VPS13C: variants seen among roughly 807,000 people sequenced by gnomAD.
The protein encoded by VPS13C is intermembrane lipid transfer protein VPS13C.
In VPS13C, 358 loss-of-function variants were observed where a neutral mutation model predicts 456.8. That is an observed-to-expected ratio of 0.78 (90% CI 0.72 to 0.86). The LOEUF is 0.86. Ranked by LOEUF, VPS13C falls within the 40% of genes least tolerant of loss-of-function variation. The pLI, the probability that VPS13C is intolerant of heterozygous loss-of-function variation, is 0.00. For missense variants in VPS13C, 4,818 were observed against 4,385.4 expected (o/e 1.10, Z -2.79); for synonymous variants, 1,578 against 1,486.7 (o/e 1.06, Z -1.41).
chr15:61,900,971 C>G (rs1170261292), intron 66 of VPS13C, among the ~76,000 whole-genome samples: 2 of 152,154 alleles, frequency 1.3e-5, no homozygotes, highest in African/African-American at 4.8e-5. Flanking sequence ...CTACAACTAT[C>G]TGATCTTTGA....
At chr15:62,000,465 T>C (rs2046570983) in intron 16 of VPS13C, 99 bp downstream of exon 16, 1 of 1,177,438 alleles carries the variant, frequency 8.5e-7, no homozygotes, top group African/African-American at 1.6e-5. Context: ...AATTAAGCAA[T>C]AAAAACCTCA....
rs753016408 is a variant in VPS13C at position 61,964,690 on chromosome 15, G to A, written c.3214+9C>T. ...TTGCTAACAAAAAACAAAAATGTAT[G>A]TTTCATACCTTTTGGCAGAGTTGAA... On this transcript the variant is annotated intron_variant, in intron 31 of 84. Coordinates refer to ENST00000644861, the MANE Select transcript of VPS13C (RefSeq NM_020821.3). 3.9e-5 allele frequency: 62 copies of A among 1,595,952 alleles called. No homozygotes were observed. The highest frequency in any genetic ancestry group is 4.7e-5 in the Non-Finnish European group (55 of 1,174,302).
At position 61,913,189 on chromosome 15, in the gene VPS13C, C is replaced by G. The variant is rs2043354929; in HGVS notation, c.8550+122G>C. 5.9e-6 allele frequency: 5 copies of G among 850,946 alleles called. No homozygotes were observed. In the Admixed American group the frequency reaches 1.0e-4, roughly 17 times the overall value. The allele number at this position is 850,946 out of a possible 1,614,324, so 52.7% of individuals were successfully genotyped here. On this transcript the variant is annotated intron_variant, in intron 62 of 84. Transcript: ENST00000644861. ...AGCCATCCCATTACTGGGTATATACCCAAAGGACTATAAATCATGCTGCTA... is the reference window on the plus strand; with the variant it reads ...AGCCATCCCATTACTGGGTATATACGCAAAGGACTATAAATCATGCTGCTA...
intron 6 of VPS13C, among the ~76,000 whole-genome samples, chr15:62,025,045 T>C (rs1424769100): frequency 1.3e-5 from 2 of 152,130 alleles, no homozygotes; most frequent in Non-Finnish European, 2.9e-5. Context: ...ATTTGAAGTG[T>C]TTGCTCAATT....
At chr15:61,881,531 C>A (rs765254395) in intron 71 of VPS13C, 32 bp downstream of exon 71, 4 of 1,545,466 alleles carry the variant, frequency 2.6e-6, no homozygotes, top group Admixed American at 2.1e-5. Context: ...ATTTTAAATT[C>A]TTTTAGAGAA....
chr15:61,931,322 A>G (rs950935921), intron 49 of VPS13C, 63 bp from the exon 50 acceptor site: 1 of 1,444,362 alleles, frequency 6.9e-7, no homozygotes, highest in African/African-American at 1.4e-5. Context: ...TTACTTTTAA[A>G]CATATTACTT....
rs1214726383 is a variant in VPS13C, at chr15:62,023,395, A to T, written c.624+16T>A. On this transcript the variant is annotated intron_variant, in intron 8 of 84. Transcript: ENST00000644861. ...TACATATTTAATTATTAACTGAGTA[A>T]ATAAAAATTACTTACATCATCTTCA... is the stretch of plus-strand genomic sequence containing the variant. The T allele has an allele frequency of 2.2e-6, 3 of 1,359,340 alleles. No individual in the cohort carries two copies. The highest frequency in any genetic ancestry group is 3.0e-6 in the Non-Finnish European group (3 of 1,005,408). The allele number at this position is 1,359,340 out of a possible 1,614,324, so 84.2% of individuals were successfully genotyped here.
intron 3 of VPS13C, among the ~76,000 whole-genome samples, chr15:62,040,376 A>G (rs1267217158): frequency 6.6e-6 from 1 of 152,212 alleles, no homozygotes; most frequent in African/African-American, 2.4e-5. Context: ...ACACAAAGAA[A>G]GGATAAATAC....
Position 61,983,874 on chromosome 15 carries a change from A to G in VPS13C, c.1860T>C (p.Pro620=). Residue 620 remains proline, a synonymous_variant, in exon 20 of 85, where the codon CCT becomes CCC. Coordinates refer to ENST00000644861, the MANE Select transcript of VPS13C (RefSeq NM_020821.3). The stretch of plus-strand genomic sequence containing the variant: ...ACTGAACAATCAGAGTCTGGTCAGC[A>G]GGACTATCCTCCGGATTGGTTTCAA... ...IKFETNPEDS[P]ADQTLIVQSQ... is the part of the protein sequence containing the mutation. 1 of 1,614,170 alleles carries G rather than the reference A, an allele frequency of 6.2e-7. No individual in the cohort carries two copies. The highest frequency in any genetic ancestry group is 8.5e-7 in the Non-Finnish European group (1 of 1,180,010).
At chr15:62,057,422 A>T (rs1376954799) in intron 1 of VPS13C, among the ~76,000 whole-genome samples, 1 of 152,218 alleles carries the variant, frequency 6.6e-6, no homozygotes, top group South Asian at 2.1e-4. Context: ...AACAGGAAAA[A>T]TCAACTCAGA....
intron 19 of VPS13C, 47 bp from the exon 20 acceptor site, chr15:61,984,059 T>C: frequency 6.5e-7 from 1 of 1,545,550 alleles, no homozygotes; most frequent in Non-Finnish European, 8.8e-7. Context: ...AGGTCTTTTG[T>C]AATCTAATGG....
At chr15:61,943,140 C>T (rs1367705855) in intron 45 of VPS13C, among the ~76,000 whole-genome samples, 3 of 152,046 alleles carry the variant, frequency 2.0e-5, no homozygotes, top group Admixed American at 1.3e-4. Context: ...AATGGAAAAA[C>T]ATTCCATGCT....
chr15:61,940,782 C>G lies in VPS13C; in HGVS notation c.5466G>C (p.Gln1822His). 6.2e-7 allele frequency: 1 copy of G among 1,609,050 alleles called. No homozygotes were observed. Among genetic ancestry groups the G allele is most frequent in the South Asian group, 1.1e-5 (1 of 89,504 alleles). The change falls in exon 47 of 85, where the codon CAG becomes CAC. Residue 1822 changes from glutamine (Q) to histidine (H), a missense_variant. Around this residue, in one of 3 missense-constraint regions of VPS13C, gnomAD observed 4,552 missense variants for 4,130.6 expected, o/e 1.10. Transcript: ENST00000644861. ...TQLKLSRTILQASLPQNDIEI... is the reference protein window; with the variant it reads ...TQLKLSRTILHASLPQNDIEI... ...CAATGTCATTTTGTGGCAAGCTAGCCTGCAAAATAGTTCTGAAAGAAAAAC... is the reference window on the plus strand; with the variant it reads ...CAATGTCATTTTGTGGCAAGCTAGCGTGCAAAATAGTTCTGAAAGAAAAAC...
At chr15:61,964,891 T>A in intron 30 of VPS13C, 30 bp from the exon 31 acceptor site, 1 of 1,585,948 alleles carries the variant, frequency 6.3e-7, no homozygotes, top group Non-Finnish European at 8.6e-7. Flanking sequence ...AAAATTAGTT[T>A]TCCACAGCCA....
intron 6 of VPS13C, among the ~76,000 whole-genome samples, chr15:62,025,357 T>C (rs764212738): frequency 6.6e-6 from 1 of 152,088 alleles, no homozygotes; most frequent in African/African-American, 2.4e-5. Context: ...ACAATCAGGA[T>C]AGTGCTATTC....
intron 81 of VPS13C, chr15:61,865,124 T>C: frequency 1.1e-5 from 11 of 984,930 alleles, no homozygotes; most frequent in Middle Eastern, 5.2e-4. Context: ...GAGACCAAAT[T>C]AGTTGATAAA....
At chr15:61,951,092 C>A in intron 39 of VPS13C, 68 bp from the exon 40 acceptor site, 1 of 973,384 alleles carries the variant, frequency 1.0e-6, no homozygotes. Context: ...ACAGGACCAG[C>A]CAAATGTACA....
rs557699383 is a variant in VPS13C at position 61,866,218 on chromosome 15, T to G, written c.10863+2441A>C. The G allele has an allele frequency of 4.0e-5, 39 of 984,994 alleles. No individual in the cohort carries two copies. The South Asian group carries it at 1.7e-3, about 43-fold the overall frequency. The allele number at this position is 984,994 out of a possible 1,614,324, so 61.0% of individuals were successfully genotyped here. On this transcript the variant is annotated intron_variant, in intron 81 of 84. Coordinates refer to ENST00000644861, the MANE Select transcript of VPS13C (RefSeq NM_020821.3). ...CCACGACAAAAACTACCAAGTCCTC[T>G]CATTAGTGTATAATCATTCTTTTTC...
chr15:61,961,394 AACACACACACACAC>A (rs66786972), intron 35 of VPS13C, among the ~76,000 whole-genome samples, 181 bp downstream of exon 35: 2,110 of 132,690 alleles, frequency 0.016, 26 homozygotes, highest in African/African-American at 0.031. Flanking sequence ...TCCAACTCAA[AACACACACACACAC>A]ACACACACAC....
Sources: allele counts gnomAD v4.1 joint callset (sites outside exome capture counted in the v4.1 genomes callset), GRCh38; gene constraint gnomAD v4.1.1; regional missense constraint gnomAD v4.1.1; transcripts MANE v1.5; gene names NCBI Gene and HGNC (gene_info 2026-07-23, HGNC 2026-07-21).